The following TTC9C variants were observed in gnomAD, a reference collection of about 807,000 sequenced individuals.
TTC9C encodes tetratricopeptide repeat protein 9C.
Under a neutral mutation model 22.5 loss-of-function variants are expected in TTC9C, and 15 were observed. The observed-to-expected ratio is 0.67, with a 90% confidence interval of 0.45 to 1.03. TTC9C has a LOEUF of 1.03. TTC9C is among the 50% of genes least tolerant of loss of function. TTC9C has a pLI of 0.00. For missense variants in TTC9C, 244 were observed against 214.6 expected, an observed-to-expected ratio of 1.14 and a Z score of -0.86; for synonymous variants, 92 against 86.8, an observed-to-expected ratio of 1.06 and a Z score of -0.33.
intron 2 of TTC9C, among the ~76,000 whole-genome samples, chr11:62,737,307 G>A (rs1032579469): frequency 6.6e-5 from 10 of 152,198 alleles, no homozygotes; most frequent in Non-Finnish European, 5.9e-5. Flanking sequence ...ATGGGGTCTG[G>A]CCTTTGGTTT....
At chr11:62,734,509 A>C (rs1038677314) in intron 1 of TTC9C, among the ~76,000 whole-genome samples, 1 of 152,036 alleles carries the variant, frequency 6.6e-6, no homozygotes, top group Non-Finnish European at 1.5e-5. Context: ...AATTGGTTGA[A>C]CCTGGAGGTT....
chr11:62,734,653 C>CA (rs11375370), intron 1 of TTC9C, among the ~76,000 whole-genome samples: 43,597 of 151,254 alleles, frequency 0.29, 7,190 homozygotes, highest in African/African-American at 0.46. Context: ...AATACTCTGC[C>CA]AAAAAAAAGG....
intron 2 of TTC9C, among the ~76,000 whole-genome samples, chr11:62,737,955 C>T (rs1372736615): frequency 2.6e-5 from 4 of 152,150 alleles, no homozygotes; most frequent in East Asian, 1.9e-4. Flanking sequence ...TGCTTGAACC[C>T]GGGAGGCGGA....
chr11:62,729,014 G>A lies in TTC9C; in HGVS notation c.166G>A (p.Gly56Ser), dbSNP rs769810829. The change falls in exon 1 of 3, where the codon GGC becomes AGC. Residue 56 changes from glycine to serine, a missense_variant. Physicochemically the swap from Gly to Ser is moderately conservative, Grantham distance 56 (BLOSUM62 0). Coordinates refer to ENST00000316461, the MANE Select transcript of TTC9C (RefSeq NM_173810.4). ...TCCGTTACCTAATCTCGGACCTCAG[G>A]GCCCGGCCCTCACGCCTGAACAAGA... ...PSPLPNLGPQ[G>S]PALTPEQENI... 30 of 1,614,056 alleles carry A rather than the reference G, an allele frequency of 1.9e-5. No homozygotes were observed. The Admixed American group carries it at 4.5e-4, about 24-fold the overall frequency.
intron 2 of TTC9C, among the ~76,000 whole-genome samples, chr11:62,736,616 C>T (rs1458296479): frequency 4.0e-5 from 6 of 151,334 alleles, no homozygotes; most frequent in Non-Finnish European, 5.9e-5. Flanking sequence ...ATGGCATGAA[C>T]TTGGGAGGCG....
chr11:62,729,855 C>T (rs751869244), intron 1 of TTC9C, among the ~76,000 whole-genome samples: 3 of 152,236 alleles, frequency 2.0e-5, no homozygotes, highest in Non-Finnish European at 4.4e-5. Flanking sequence ...GGATTACATG[C>T]GTGAGCCACC....
chr11:62,729,406 TA>T lies in TTC9C; in HGVS notation c.238+321del, dbSNP rs1229279538. Among the ~76,000 whole-genome samples, 12 of 139,710 alleles carry T rather than the reference TA, an allele frequency of 8.6e-5. No individual in the cohort carries two copies. The East Asian group carries it at 1.6e-3, about 18-fold the overall frequency. The allele number at this position is 139,710 out of a possible 152,430, so 91.7% of individuals were successfully genotyped here. A position where few individuals can be genotyped will look rare whatever the true frequency, so the allele number is the denominator to read the frequency against. On this transcript the variant is annotated intron_variant, in intron 1 of 2. Transcript: ENST00000316461. ...TATTTTATTTTATTTTATTTTATTT[TA>T]TTTTTTTTTGAGATGGAGTCTCGCT...
intron 1 of TTC9C, among the ~76,000 whole-genome samples, chr11:62,731,694 CTTT>C (rs201275660): frequency 6.9e-6 from 1 of 144,678 alleles, no homozygotes; most frequent in Non-Finnish European, 1.5e-5. Context: ...TCTTAAAGCA[CTTT>C]TTTTTTTTTT....
At chr11:62,732,676 T>G (rs1233379023) in intron 1 of TTC9C, among the ~76,000 whole-genome samples, 2 of 151,642 alleles carry the variant, frequency 1.3e-5, no homozygotes, top group Non-Finnish European at 2.9e-5. Context: ...ATCCCAGCCC[T>G]TTGGGAGCCC....
intron 2 of TTC9C, 124 bp downstream of exon 2, chr11:62,735,688 T>A: frequency 7.1e-7 from 1 of 1,409,918 alleles, no homozygotes. Context: ...TTCACATGGT[T>A]GAGAATTCGA....
intron 2 of TTC9C, among the ~76,000 whole-genome samples, chr11:62,737,026 C>T (rs925256481): frequency 6.6e-5 from 10 of 151,674 alleles, no homozygotes; most frequent in African/African-American, 2.4e-4. Flanking sequence ...GATTAAACCC[C>T]GTTTCTAGTA....
Position 62,730,197 on chromosome 11 carries a change from T to G in TTC9C, c.238+1111T>G, listed in dbSNP as rs2083831791. ...TTCAGGCGATTCTCCTGCCTGAGCC[T>G]CTGGAATAGCTGGGATACAGGCGCG... On this transcript the variant is annotated intron_variant, in intron 1 of 2. Coordinates refer to ENST00000316461, the MANE Select transcript of TTC9C (RefSeq NM_173810.4). 5.3e-5 allele frequency among the ~76,000 whole-genome samples: 8 copies of G among 152,054 alleles called. No individual in the cohort carries two copies. The South Asian group carries it at 1.7e-3, about 32-fold the overall frequency.
rs1287221810 is a variant in TTC9C, at chr11:62,728,593, A to C, written c.-256A>C. On this transcript the variant is annotated 5_prime_UTR_variant, in exon 1 of 3. An upstream start codon of the reference 5' UTR is lost. Coordinates refer to ENST00000316461, the MANE Select transcript of TTC9C (RefSeq NM_173810.4). ...CATCGCCTCTTTAGGAAGTCACTTA[A>C]TGTTGGGCTTCATTATTCCCACATC... 1.6e-6 allele frequency: 1 copy of C among 611,488 alleles called. No homozygotes were observed. The highest frequency in any genetic ancestry group is 3.5e-5 in the East Asian group (1 of 28,654). 37.9% of individuals were successfully genotyped at this position (611,488 alleles called of 1,614,324 possible).
rs758459909 is a variant in TTC9C, at chr11:62,728,772, C to CA, written c.-76dup. On this transcript the variant is annotated 5_prime_UTR_variant, in exon 1 of 3. Transcript: ENST00000316461. ...GCCTCCTTAAATTGGCTGCTACTGT[C>CA]AGTTATTTTGCTCCCAACCCCAGAG... 1.4e-6 allele frequency: 2 copies of CA among 1,421,962 alleles called. No homozygotes were observed. Among genetic ancestry groups the CA allele is most frequent in the Non-Finnish European group, 2.0e-6 (2 of 1,009,228 alleles). The allele number at this position is 1,421,962 out of a possible 1,614,324, so 88.1% of individuals were successfully genotyped here.
rs1473951222 is a variant in TTC9C at position 62,735,544 on chromosome 11, C to T, written c.401C>T (p.Ala134Val). The T allele has an allele frequency of 6.2e-7, 1 of 1,613,122 alleles. No individual in the cohort carries two copies. Among genetic ancestry groups the T allele is most frequent in the Admixed American group, 1.7e-5 (1 of 59,884 alleles). ...CAGGCCCGCCACTACCTCCTGGCTG[C>T]CGTGAATAGGCAGCCTAAAGGTAAG... is the stretch of plus-strand genomic sequence containing the variant. ...YDQARHYLLAAVNRQPKDANV... is the reference protein window; with the variant it reads ...YDQARHYLLAVVNRQPKDANV... Residue 134 changes from alanine to valine, a missense_variant, in exon 2 of 3, where the codon GCC (alanine) becomes GTC (valine). Ala to Val is a moderately conservative substitution (Grantham distance 64). Transcript: ENST00000316461.
At chr11:62,728,263 G>A, upstream of TTC9C, 2 of 338,852 alleles carry the variant, frequency 5.9e-6, no homozygotes, top group East Asian at 1.7e-4. Context: ...AACTGGTCAC[G>A]GCGCCGGGTG....
At chr11:62,737,043 C>A (rs1052452513) in intron 2 of TTC9C, among the ~76,000 whole-genome samples, 27 of 150,610 alleles carry the variant, frequency 1.8e-4, no homozygotes, top group Non-Finnish European at 3.7e-4. Flanking sequence ...AGTAAAAATA[C>A]AAGAAATTAG....
At chr11:62,731,136 A>T (rs907337205) in intron 1 of TTC9C, among the ~76,000 whole-genome samples, 6 of 151,904 alleles carry the variant, frequency 3.9e-5, no homozygotes, top group Admixed American at 3.9e-4. Flanking sequence ...TGAGCCACCC[A>T]CCTCGGCCTC....
At chr11:62,729,894 A>T (rs1344664783) in intron 1 of TTC9C, among the ~76,000 whole-genome samples, 1 of 152,032 alleles carries the variant, frequency 6.6e-6, no homozygotes, top group African/African-American at 2.4e-5. Context: ...CATTTCTAAC[A>T]GCCTTCTGGG....
Sources: allele counts gnomAD v4.1 joint callset (sites outside exome capture counted in the v4.1 genomes callset), GRCh38; gene constraint gnomAD v4.1.1; transcripts MANE v1.5; gene names NCBI Gene and HGNC (gene_info 2026-07-23, HGNC 2026-07-21).